PPP2R2C: variants seen among roughly 807,000 people sequenced by gnomAD.
PPP2R2C encodes protein phosphatase 2, regulatory subunit B, gamma.
A neutral mutation model predicts 45.3 loss-of-function variants in PPP2R2C; 10 were observed. The observed-to-expected ratio is 0.22, with a 90% CI of 0.14 to 0.37. PPP2R2C has a LOEUF of 0.37. Among genes scored for constraint, PPP2R2C ranks in the 10% least tolerant of loss-of-function variants. The pLI is 1.00. For missense variants in PPP2R2C, 308 were observed against 619.7 expected (o/e 0.50, Z 5.34); for synonymous variants, 257 against 245.4 (o/e 1.05, Z -0.44).
At chr4:6,521,430 CA>C (rs1724023569) in intron 2 of PPP2R2C, among the ~76,000 whole-genome samples, 1 of 152,200 alleles carries the variant, frequency 6.6e-6, no homozygotes, top group Admixed American at 6.5e-5. Context: ...TTCAATGTAT[CA>C]TTCAGGTGGG....
chr4:6,555,063 A>G (rs1403990363), intron 1 of PPP2R2C, among the ~76,000 whole-genome samples: 1 of 152,202 alleles, frequency 6.6e-6, no homozygotes, highest in Non-Finnish European at 1.5e-5. Flanking sequence ...TCAAGATGCC[A>G]GCAGATTCGA....
chr4:6,336,426 G>T (rs1298492265), intron 6 of PPP2R2C, among the ~76,000 whole-genome samples: 1 of 152,014 alleles, frequency 6.6e-6, no homozygotes, highest in African/African-American at 2.4e-5. Context: ...CGAGCCCCTC[G>T]TGTGGCCTTG....
chr4:6,501,470 G>T (rs1184203145), intron 2 of PPP2R2C, among the ~76,000 whole-genome samples: 1 of 152,222 alleles, frequency 6.6e-6, no homozygotes, highest in East Asian at 1.9e-4. Context: ...TGACTGGGAT[G>T]GGTCAGCTGG....
At position 6,364,669 on chromosome 4, in the gene PPP2R2C, A is replaced by G. The variant is rs1161093265; in HGVS notation, c.625+7854T>C. On this transcript the variant is annotated intron_variant, in intron 5 of 8. Transcript: ENST00000382599. The surrounding 1 kb of genome is among the most constrained non-coding windows in gnomAD (Gnocchi z 5.3). ...GTCAGCAGGGGCTTTTCCTCGCTTT[A>G]CAGGTGAGGAGCTGAGGCACAGAGA... 6.6e-6 allele frequency among the ~76,000 whole-genome samples: 1 copy of G among 152,084 alleles called. No individual in the cohort carries two copies. Among genetic ancestry groups the G allele is most frequent in the Non-Finnish European group, 1.5e-5 (1 of 68,008 alleles).
rs190613242 is a variant in PPP2R2C at position 6,426,072 on chromosome 4, C to T, written c.71-44978G>A. On this transcript the variant is annotated intron_variant, in intron 1 of 8. Transcript: ENST00000382599. Reference sequence around the variant, plus strand: ...CTAATCCAAGGAGCAGGTGGGCTGCCTGGCATTGCTATGGCACCTGCAAGG... The same window carrying T: ...CTAATCCAAGGAGCAGGTGGGCTGCTTGGCATTGCTATGGCACCTGCAAGG... Among the ~76,000 whole-genome samples, 3 of 152,302 alleles carry T rather than the reference C, an allele frequency of 2.0e-5. No homozygotes were observed. In the East Asian group the frequency reaches 5.8e-4, roughly 29 times the overall value.
chr4:6,436,416 C>G (rs1719898087), intron 1 of PPP2R2C, among the ~76,000 whole-genome samples: 1 of 152,250 alleles, frequency 6.6e-6, no homozygotes, highest in African/African-American at 2.4e-5. Context: ...ATCCTGCACC[C>G]ATTTTTGACC....
At chr4:6,475,976 T>A (rs570416087), upstream of PPP2R2C, among the ~76,000 whole-genome samples, 1 of 152,118 alleles carries the variant, frequency 6.6e-6, no homozygotes, top group Non-Finnish European at 1.5e-5. Context: ...GCCCACTCTC[T>A]CCCCAGGTGC....
intron 6 of PPP2R2C, 73 bp from the exon 7 acceptor site, chr4:6,333,804 G>T: frequency 6.6e-7 from 1 of 1,522,388 alleles, no homozygotes; most frequent in Non-Finnish European, 9.0e-7. Context: ...GGATGACTCT[G>T]TTTTGCACCT....
chr4:6,333,507 T>C (rs994985748), intron 7 of PPP2R2C, 55 bp downstream of exon 7: 2 of 1,583,016 alleles, frequency 1.3e-6, no homozygotes, highest in African/African-American at 2.7e-5. Flanking sequence ...TCCATGGGGA[T>C]CTCAGCATAG....
intron 1 of PPP2R2C, chr4:6,382,793 C>G (rs1402441388): frequency 2.2e-6 from 2 of 904,482 alleles, no homozygotes; most frequent in Non-Finnish European, 2.9e-6. Flanking sequence ...CACTGGATGA[C>G]TGCCACAGCT....
chr4:6,513,156 C>T (rs1356877106), intron 2 of PPP2R2C, among the ~76,000 whole-genome samples: 1 of 152,194 alleles, frequency 6.6e-6, no homozygotes, highest in Non-Finnish European at 1.5e-5. Context: ...CACTCACTCA[C>T]TCATCCATTC....
At chr4:6,385,409 G>C (rs1716141152) in intron 1 of PPP2R2C, among the ~76,000 whole-genome samples, 1 of 152,092 alleles carries the variant, frequency 6.6e-6, no homozygotes, top group Admixed American at 6.6e-5. Flanking sequence ...CATAAAATTG[G>C]TTGTTTTGGC....
At chr4:6,363,667 G>A (rs1032751284) in intron 5 of PPP2R2C, among the ~76,000 whole-genome samples, 4 of 152,188 alleles carry the variant, frequency 2.6e-5, no homozygotes, top group Non-Finnish European at 5.9e-5. Flanking sequence ...ATGGATTTGG[G>A]AAGAGATGTG....
intron 1 of PPP2R2C, among the ~76,000 whole-genome samples, chr4:6,466,289 G>A (rs577669846): frequency 6.6e-6 from 1 of 152,230 alleles, no homozygotes; most frequent in East Asian, 1.9e-4. Context: ...ATCAGATTTC[G>A]CTTACAAAAC....
rs115999002 is a variant in PPP2R2C at position 6,405,774 on chromosome 4, T to C, written c.71-24680A>G. 5.0e-3 allele frequency among the ~76,000 whole-genome samples: 763 copies of C among 152,178 alleles called. 4 individuals are homozygous for C. Among genetic ancestry groups the C allele is most frequent in the African/African-American group, 0.017 (726 of 41,520 alleles). Reference sequence around the variant, plus strand: ...CAAATTAGTGCCATCTTGATGATCATATAAAAGAAGGATGGGCCTATAAAG... The same window carrying C: ...CAAATTAGTGCCATCTTGATGATCACATAAAAGAAGGATGGGCCTATAAAG... On this transcript the variant is annotated intron_variant, in intron 1 of 8. Transcript: ENST00000382599.
At chr4:6,363,307 G>A (rs1052995367) in intron 5 of PPP2R2C, among the ~76,000 whole-genome samples, 6 of 152,160 alleles carry the variant, frequency 3.9e-5, no homozygotes, top group Middle Eastern at 3.2e-3. Context: ...GGCCAGGTGC[G>A]GTGGCTAACG....
intron 5 of PPP2R2C, chr4:6,350,891 TGAGGCCTTG>T: frequency 1.0e-6 from 1 of 985,380 alleles, no homozygotes; most frequent in Non-Finnish European, 1.2e-6. Flanking sequence ...AGTGGGTGTT[TGAGGCCTTG>T]GAGACCTTCA....
intron 2 of PPP2R2C, among the ~76,000 whole-genome samples, chr4:6,483,693 C>T (rs1001296764): frequency 8.5e-5 from 13 of 152,166 alleles, no homozygotes; most frequent in African/African-American, 2.6e-4. Flanking sequence ...TTATCAGACA[C>T]GTGCTTTACA....
At chr4:6,366,432 G>A (rs139496716) in intron 5 of PPP2R2C, among the ~76,000 whole-genome samples, 12 of 152,316 alleles carry the variant, frequency 7.9e-5, no homozygotes, top group African/African-American at 2.2e-4. Flanking sequence ...ACCTACAACC[G>A]TTCATAAGTA....
Sources: allele counts gnomAD v4.1 joint callset (sites outside exome capture counted in the v4.1 genomes callset), GRCh38; gene constraint gnomAD v4.1.1; non-coding constraint Gnocchi (gnomAD v3.1); transcripts MANE v1.5; gene names NCBI Gene and HGNC (gene_info 2026-07-23, HGNC 2026-07-21).